The following ENOX2 variants were observed in gnomAD, a reference collection of about 807,000 sequenced individuals.
ENOX2 encodes APK1 antigen.
A neutral mutation model predicts 45.0 loss-of-function variants in ENOX2; 36 were observed. The observed-to-expected ratio is 0.80, with a 90% CI of 0.61 to 1.06. The LOEUF is 1.06. ENOX2 is among the 50% of genes least tolerant of loss of function. ENOX2 has a pLI of 0.00. For synonymous variants in ENOX2, 174 were observed against 152.3 expected (o/e 1.14, Z -1.05); for missense variants, 423 against 462.5 (o/e 0.91, Z 0.78).
intron 3 of ENOX2, among the ~76,000 whole-genome samples, chrX:130,742,245 CTTTTTTTTTTTTTTT>C (rs67776619): frequency 1.7e-5 from 1 of 60,171 alleles, no homozygotes; most frequent in Admixed American, 2.1e-4. Flanking sequence ...AGATAATTTC[CTTTTTTTTTTTTTTT>C]TTTTTTTTTT....
At chrX:130,839,385 G>A (rs1352080122) in intron 2 of ENOX2, among the ~76,000 whole-genome samples, 1 of 111,263 alleles carries the variant, frequency 9.0e-6, no homozygotes, top group Non-Finnish European at 1.9e-5. Flanking sequence ...TCTCTTCTGG[G>A]TCCAATAATG....
chrX:130,715,693 A>C (rs1283102232), intron 3 of ENOX2, among the ~76,000 whole-genome samples: 1 of 111,265 alleles, frequency 9.0e-6, no homozygotes, highest in African/African-American at 3.3e-5. Flanking sequence ...AAAAACAAGT[A>C]GGGTTATAAC....
At chrX:130,754,564 G>A (rs2039306307) in intron 3 of ENOX2, among the ~76,000 whole-genome samples, 1 of 111,644 alleles carries the variant, frequency 9.0e-6, no homozygotes. Context: ...CCATAAAAAA[G>A]AACAAAATAA....
chrX:130,849,795 G>C (rs2078176042), intron 2 of ENOX2, among the ~76,000 whole-genome samples: 1 of 111,897 alleles, frequency 8.9e-6, no homozygotes, highest in Non-Finnish European at 1.9e-5. Context: ...CCTGTCAGCG[G>C]ATTCCAACTT....
At chrX:130,696,618 T>G (rs1209306693) in intron 4 of ENOX2, among the ~76,000 whole-genome samples, 2 of 112,244 alleles carry the variant, frequency 1.8e-5, no homozygotes, top group African/African-American at 6.5e-5. Flanking sequence ...TTTTAGTTTT[T>G]ACATTTTGCC....
At chrX:130,851,135 T>C (rs928505381) in intron 2 of ENOX2, among the ~76,000 whole-genome samples, 6 of 112,680 alleles carry the variant, frequency 5.3e-5, no homozygotes, top group African/African-American at 1.9e-4. Flanking sequence ...GGACAAGTGT[T>C]GTACATGACT....
intron 4 of ENOX2, among the ~76,000 whole-genome samples, chrX:130,695,828 C>T (rs190605382): frequency 0.012 from 1,296 of 111,351 alleles, 13 homozygotes; most frequent in Middle Eastern, 0.032. Flanking sequence ...CTTTAAAAGA[C>T]TTTTTAGGCA....
intron 2 of ENOX2, among the ~76,000 whole-genome samples, chrX:130,881,848 T>C (rs1022752231): frequency 2.1e-4 from 23 of 111,710 alleles, no homozygotes; most frequent in Non-Finnish European, 2.3e-4. Context: ...AATTTAGCCA[T>C]CCAGCTTCAG....
rs778909594 is a variant in ENOX2, at chrX:130,764,011, G to T, written c.-39+19536C>A. The stretch of plus-strand genomic sequence containing the variant: ...TTTTATTTTGTCTGTACCCATTGGT[G>T]TTTCTGAGTTACCAGTTTTTTTCAA... On this transcript the variant is annotated intron_variant, in intron 3 of 14. Transcript: ENST00000394363. Among the ~76,000 whole-genome samples, 6 of 110,724 alleles carry T rather than the reference G, an allele frequency of 5.4e-5. No individual in the cohort carries two copies. In the East Asian group the frequency reaches 1.7e-3, roughly 31 times the overall value.
intron 2 of ENOX2, among the ~76,000 whole-genome samples, chrX:130,869,611 G>A (rs1469547972): frequency 8.9e-6 from 1 of 111,984 alleles, no homozygotes; most frequent in Non-Finnish European, 1.9e-5. Context: ...TACAGATGAG[G>A]AAACTCAGAC....
intron 3 of ENOX2, among the ~76,000 whole-genome samples, chrX:130,762,773 C>G (rs959029726): frequency 2.7e-5 from 3 of 111,629 alleles, no homozygotes; most frequent in Non-Finnish European, 3.8e-5. Context: ...TAATGACCCA[C>G]GATGTAGTCT....
chrX:130,897,273 C>T (rs1035220085), intron 2 of ENOX2, among the ~76,000 whole-genome samples: 1 of 112,058 alleles, frequency 8.9e-6, no homozygotes, highest in African/African-American at 3.2e-5. Context: ...GATTTCCGTA[C>T]ATGAGCACAA....
intron 3 of ENOX2, among the ~76,000 whole-genome samples, chrX:130,738,686 C>T (rs1483643246): frequency 8.9e-6 from 1 of 112,135 alleles, no homozygotes; most frequent in East Asian, 2.8e-4. Context: ...TTTGGCAAAT[C>T]ACAGATGGTC....
At chrX:130,688,394 G>T (rs2037500737) in intron 5 of ENOX2, among the ~76,000 whole-genome samples, 1 of 111,755 alleles carries the variant, frequency 8.9e-6, no homozygotes, top group Non-Finnish European at 1.9e-5. Context: ...GTTGAGCCAT[G>T]CCTCACTGTA....
chrX:130,881,621 G>A (rs1429023747), intron 2 of ENOX2, among the ~76,000 whole-genome samples: 1 of 111,703 alleles, frequency 9.0e-6, no homozygotes, highest in African/African-American at 3.3e-5. Flanking sequence ...TACATATACC[G>A]ATTTCTTTTC....
At chrX:130,656,123 C>T (rs2036540205) in intron 10 of ENOX2, among the ~76,000 whole-genome samples, 1 of 111,721 alleles carries the variant, frequency 9.0e-6, no homozygotes, top group Non-Finnish European at 1.9e-5. Context: ...GAATGGTTTG[C>T]CTAAAAAGAG....
chrX:130,856,604 G>A (rs1246473708), intron 2 of ENOX2, among the ~76,000 whole-genome samples: 1 of 110,681 alleles, frequency 9.0e-6, no homozygotes, highest in Admixed American at 9.6e-5. Flanking sequence ...AGTTCTTTTG[G>A]AACTTAGTGG....
At chrX:130,899,430 T>G (rs1310023565) in intron 2 of ENOX2, among the ~76,000 whole-genome samples, 1 of 111,835 alleles carries the variant, frequency 8.9e-6, no homozygotes, top group African/African-American at 3.3e-5. Context: ...GTCCCTGCCC[T>G]CAAGGAGTTC....
intron 3 of ENOX2, among the ~76,000 whole-genome samples, chrX:130,744,610 A>C (rs1035767190): frequency 1.8e-5 from 2 of 112,478 alleles, no homozygotes; most frequent in Admixed American, 9.4e-5. Context: ...TCATTTTGTT[A>C]AAAATATACA....
Sources: allele counts gnomAD v4.1 joint callset (sites outside exome capture counted in the v4.1 genomes callset), GRCh38; gene constraint gnomAD v4.1.1; transcripts MANE v1.5; gene names NCBI Gene and HGNC (gene_info 2026-07-23, HGNC 2026-07-21).